The following TENM2 variants were observed in gnomAD, a reference collection of about 807,000 sequenced individuals.
TENM2 encodes teneurin-2.
In TENM2, 52 loss-of-function variants were observed where a neutral mutation model predicts 245.2. The ratio of observed to expected loss-of-function variants is 0.21; its 90% confidence interval spans 0.17 to 0.27. The LOEUF (loss-of-function observed/expected upper bound fraction) is 0.27, where lower values mean the gene tolerates loss of function less well. Ranked by LOEUF, TENM2 falls within the 10% of genes least tolerant of loss-of-function variation. The pLI, the probability that TENM2 is intolerant of heterozygous loss-of-function variation, is 1.00. For synonymous variants in TENM2, 1,363 were observed against 1,438.9 expected (o/e 0.95, Z 1.19); for missense variants, 3,046 against 3,666.8 (o/e 0.83, Z 4.37).
At chr5:167,455,628 C>G (rs1455214389) in intron 2 of TENM2, among the ~76,000 whole-genome samples, 1 of 152,010 alleles carries the variant, frequency 6.6e-6, no homozygotes, top group Non-Finnish European at 1.5e-5. Flanking sequence ...AATAAGTTAA[C>G]TGAATATGCT....
intron 2 of TENM2, among the ~76,000 whole-genome samples, chr5:167,423,888 A>G (rs962459812): frequency 1.3e-5 from 2 of 152,164 alleles, no homozygotes; most frequent in Non-Finnish European, 2.9e-5. Context: ...ACTGGAGACC[A>G]TCGACCATGG....
chr5:167,060,579 A>T, the TENM2 span, among the ~76,000 whole-genome samples: 1 of 148,566 alleles, frequency 6.7e-6, no homozygotes, highest in Non-Finnish European at 1.5e-5. Context: ...TGAACTGGGG[A>T]GGTGGAGATT....
the TENM2 span, among the ~76,000 whole-genome samples, chr5:167,132,819 C>G: frequency 6.6e-6 from 1 of 152,158 alleles, no homozygotes; most frequent in Non-Finnish European, 1.5e-5. Context: ...CAACATGATA[C>G]TTTAAAGCTC....
intron 12 of TENM2, among the ~76,000 whole-genome samples, chr5:168,155,574 G>A (rs187431140): frequency 2.9e-4 from 44 of 152,240 alleles, no homozygotes. Flanking sequence ...AGTTTTGGCT[G>A]GTGGTCATTG....
intron 2 of TENM2, among the ~76,000 whole-genome samples, chr5:167,799,626 T>G (rs1765563166): frequency 2.0e-5 from 3 of 152,214 alleles, no homozygotes; most frequent in Admixed American, 2.0e-4. Context: ...TAAGGTTCAC[T>G]CTGACTAAAC....
chr5:167,824,852 C>T (rs1213867711), intron 2 of TENM2, among the ~76,000 whole-genome samples: 3 of 152,198 alleles, frequency 2.0e-5, no homozygotes, highest in African/African-American at 7.2e-5. Flanking sequence ...CTGGCTACCC[C>T]TGTGTGAGCC....
intron 6 of TENM2, among the ~76,000 whole-genome samples, chr5:168,055,285 T>G (rs1789439530): frequency 6.6e-6 from 1 of 152,214 alleles, no homozygotes. Context: ...TGATAAATAT[T>G]TATTGCATGG....
intron 3 of TENM2, among the ~76,000 whole-genome samples, chr5:167,880,048 T>C (rs1371677559): frequency 6.6e-6 from 1 of 152,130 alleles, no homozygotes; most frequent in Non-Finnish European, 1.5e-5. Context: ...AATCGTTACT[T>C]TTTTTATTTT....
At chr5:167,389,361 C>T (rs868251835) in intron 2 of TENM2, among the ~76,000 whole-genome samples, 1 of 151,816 alleles carries the variant, frequency 6.6e-6, no homozygotes, top group Middle Eastern at 3.4e-3. Context: ...ATATATCCTT[C>T]AGTCTGTGTG....
chr5:168,003,331 ACACACACACACACACC>A (rs1289268955), intron 5 of TENM2, among the ~76,000 whole-genome samples: 16 of 140,124 alleles, frequency 1.1e-4, no homozygotes, highest in African/African-American at 3.8e-4. Flanking sequence ...ACACACACAC[ACACACACACACACACC>A]CCCAAAGCTG....
In TENM2 at chr5:167,572,707, G is replaced by A. The variant is rs192951151; in HGVS notation, c.502+197234G>A. ...GATGAGTAGAAATGGAACAAAGCTG[G>A]TGACACACCATTTGAAACAATTTGA... is the stretch of plus-strand genomic sequence containing the variant. On this transcript the variant is annotated intron_variant, in intron 2 of 28. Coordinates refer to ENST00000518659, the Ensembl canonical transcript of TENM2. Among the ~76,000 whole-genome samples the A allele has an allele frequency of 8.6e-4, 131 of 152,306 alleles. No individual in the cohort carries two copies. The Middle Eastern group carries it at 0.034, about 40-fold the overall frequency.
At chr5:167,860,518 G>C (rs1377481131) in intron 2 of TENM2, among the ~76,000 whole-genome samples, 2 of 126,324 alleles carry the variant, frequency 1.6e-5, no homozygotes, top group Non-Finnish European at 3.3e-5. Context: ...CCCTCTGCCC[G>C]GCCACCACCC....
chr5:167,720,514 T>C (rs1290801809), intron 2 of TENM2, among the ~76,000 whole-genome samples: 3 of 152,236 alleles, frequency 2.0e-5, no homozygotes, highest in Non-Finnish European at 4.4e-5. Flanking sequence ...AGGCACTCTA[T>C]ATTTGAATTT....
chr5:167,389,906 G>A (rs28503554), intron 2 of TENM2, among the ~76,000 whole-genome samples: 47,662 of 151,938 alleles, frequency 0.31, 7,685 homozygotes, highest in Middle Eastern at 0.42. Context: ...CATTGTCTAC[G>A]TGTATTTTTT....
At chr5:167,795,125 G>A (rs1047486028) in intron 2 of TENM2, among the ~76,000 whole-genome samples, 1 of 152,162 alleles carries the variant, frequency 6.6e-6, no homozygotes, top group Non-Finnish European at 1.5e-5. Flanking sequence ...GAGATTGAGG[G>A]AAGGATTGGT....
chr5:167,414,666 A>G (rs1354262325), intron 2 of TENM2, among the ~76,000 whole-genome samples: 1 of 152,024 alleles, frequency 6.6e-6, no homozygotes, highest in Non-Finnish European at 1.5e-5. Context: ...TAAAAGTGAG[A>G]CATACAGATT....
At chr5:167,232,251 C>G in the TENM2 span, among the ~76,000 whole-genome samples, 1 of 152,178 alleles carries the variant, frequency 6.6e-6, no homozygotes, top group Non-Finnish European at 1.5e-5. Context: ...GGCCACGGTC[C>G]TCCAGTCCCC....
Position 167,993,247 on chromosome 5 carries a change from T to C in TENM2, c.1186+65T>C. 4 of 1,364,896 alleles carry C rather than the reference T, an allele frequency of 2.9e-6. No individual in the cohort carries two copies. In the South Asian group the frequency reaches 5.0e-5, roughly 17 times the overall value. The allele number at this position is 1,364,896 out of a possible 1,614,324, so 84.5% of individuals were successfully genotyped here. On this transcript the variant is annotated intron_variant, in intron 5 of 28. Coordinates refer to ENST00000518659, the Ensembl canonical transcript of TENM2. ...CAACATGAGGGGAGAGGCCATGGAC[T>C]TGTGAATCTAGAGGCCCTCTGATGT...
chr5:167,992,098 A>C (rs192001355), intron 4 of TENM2, among the ~76,000 whole-genome samples: 82 of 152,254 alleles, frequency 5.4e-4, no homozygotes, highest in Non-Finnish European at 8.4e-4. Flanking sequence ...AGAATAATAT[A>C]ATAAACTTTG....
Sources: gnomAD v4.1 joint callset for allele counts (sites outside exome capture counted in the v4.1 genomes callset) on GRCh38, gnomAD v4.1.1 for gene constraint, MANE v1.5 for transcripts, NCBI Gene and HGNC (gene_info 2026-07-23, HGNC 2026-07-21) for gene names.